The following PTPRD variants were observed in gnomAD, a reference collection of about 807,000 sequenced individuals.
The protein encoded by PTPRD is receptor-type tyrosine-protein phosphatase delta.
Under a neutral mutation model 214.5 loss-of-function variants are expected in PTPRD, and 34 were observed. That is an observed-to-expected ratio of 0.16 (90% CI 0.12 to 0.21). PTPRD has a LOEUF of 0.21. PTPRD is among the 10% of genes least tolerant of loss of function. PTPRD has a pLI of 1.00. For synonymous variants in PTPRD, 1,128 were observed against 845.7 expected, an observed-to-expected ratio of 1.33 and a Z score of -5.79; for missense variants, 2,545 against 2,398.7, an observed-to-expected ratio of 1.06 and a Z score of -1.27.
chr9:8,921,455 G>A (rs2098827277), intron 11 of PTPRD, among the ~76,000 whole-genome samples: 1 of 151,980 alleles, frequency 6.6e-6, no homozygotes, highest in Non-Finnish European at 1.5e-5. Context: ...GCATGAGGAT[G>A]TGGGGCTTAT....
chr9:10,081,588 A>C (rs927715203), intron 3 of PTPRD, among the ~76,000 whole-genome samples: 1 of 152,066 alleles, frequency 6.6e-6, no homozygotes, highest in Non-Finnish European at 1.5e-5. Context: ...CAACCTGACC[A>C]TGCTAGGGCC....
At chr9:10,547,154 G>T (rs181090790) in intron 2 of PTPRD, among the ~76,000 whole-genome samples, 2 of 152,004 alleles carry the variant, frequency 1.3e-5, no homozygotes, top group Admixed American at 6.6e-5. Context: ...GAAGAATTGG[G>T]GCAGGGTGGG....
intron 27 of PTPRD, among the ~76,000 whole-genome samples, chr9:8,489,455 T>A (rs971054520): frequency 1.3e-5 from 2 of 152,156 alleles, no homozygotes; most frequent in African/African-American, 4.8e-5. Context: ...GAAGTTTTAC[T>A]AAGCCTGAAA....
intron 3 of PTPRD, among the ~76,000 whole-genome samples, chr9:10,316,634 A>C (rs2096440863): frequency 6.6e-6 from 1 of 152,020 alleles, no homozygotes; most frequent in African/African-American, 2.4e-5. Flanking sequence ...GTGAATCAAC[A>C]CAATTCTCAA....
intron 4 of PTPRD, among the ~76,000 whole-genome samples, chr9:10,012,312 G>T (rs2096618077): frequency 6.6e-6 from 1 of 151,574 alleles, no homozygotes; most frequent in Non-Finnish European, 1.5e-5. Context: ...GTCGGTGGAA[G>T]ATTCAGACAA....
chr9:8,319,285 C>G (rs1223636876), intron 45 of PTPRD, among the ~76,000 whole-genome samples: 1 of 151,976 alleles, frequency 6.6e-6, no homozygotes, highest in Non-Finnish European at 1.5e-5. Context: ...ATCATAAACT[C>G]TTATTATTAC....
At chr9:8,827,155 T>TA (rs140682298) in intron 11 of PTPRD, among the ~76,000 whole-genome samples, 14,267 of 152,124 alleles carry the variant, frequency 0.094, 708 homozygotes, top group Non-Finnish European at 0.098. Context: ...ACTAAATTGC[T>TA]AAAAAATCTG....
intron 9 of PTPRD, among the ~76,000 whole-genome samples, chr9:9,388,530 C>G (rs562504776): frequency 7.2e-5 from 11 of 151,994 alleles, no homozygotes; most frequent in Non-Finnish European, 1.3e-4. Context: ...GTATGGTTAC[C>G]TTAGTTTTAA....
chr9:9,701,651 G>C (rs763189745), intron 7 of PTPRD, among the ~76,000 whole-genome samples: 1 of 152,178 alleles, frequency 6.6e-6, no homozygotes, highest in Non-Finnish European at 1.5e-5. Flanking sequence ...GAGGAAAATA[G>C]ACAGTACTTA....
chr9:8,585,457 G>C (rs1455731942), intron 14 of PTPRD, among the ~76,000 whole-genome samples: 1 of 152,166 alleles, frequency 6.6e-6, no homozygotes, highest in Admixed American at 6.5e-5. Context: ...GGACTGGAAA[G>C]TCTGGGATAT....
At chr9:8,683,513 C>T (rs2097595541) in intron 12 of PTPRD, among the ~76,000 whole-genome samples, 1 of 152,138 alleles carries the variant, frequency 6.6e-6, no homozygotes, top group South Asian at 2.1e-4. Context: ...TCAGCTCCAA[C>T]CTGACTCTCA....
At chr9:9,161,209 A>T (rs2099887873) in intron 10 of PTPRD, among the ~76,000 whole-genome samples, 1 of 152,196 alleles carries the variant, frequency 6.6e-6, no homozygotes, top group African/African-American at 2.4e-5. Flanking sequence ...ACCACAAAGA[A>T]TGATAAGTGG....
chr9:8,334,054 C>G (rs1844182602), intron 43 of PTPRD, among the ~76,000 whole-genome samples: 1 of 152,074 alleles, frequency 6.6e-6, no homozygotes. Context: ...TCTTAGATAC[C>G]TACAAAGAGA....
chr9:9,933,200 A>G (rs1344630019), intron 5 of PTPRD, among the ~76,000 whole-genome samples: 2 of 152,266 alleles, frequency 1.3e-5, no homozygotes, highest in Non-Finnish European at 2.9e-5. Flanking sequence ...TAACATCATA[A>G]TGACAGGATC....
intron 10 of PTPRD, among the ~76,000 whole-genome samples, chr9:9,181,590 C>A (rs1001735435): frequency 2.6e-5 from 4 of 151,928 alleles, no homozygotes; most frequent in African/African-American, 9.7e-5. Context: ...TTCACTACAG[C>A]CACCAGAAAT....
intron 3 of PTPRD, among the ~76,000 whole-genome samples, chr9:10,091,072 C>T (rs1304034933): frequency 1.3e-5 from 2 of 150,654 alleles, no homozygotes; most frequent in African/African-American, 2.4e-5. Flanking sequence ...ATATGTAAAA[C>T]AAATAATGGC....
At chr9:9,923,967 A>T (rs2083412748) in intron 5 of PTPRD, among the ~76,000 whole-genome samples, 1 of 152,054 alleles carries the variant, frequency 6.6e-6, no homozygotes, top group African/African-American at 2.4e-5. Flanking sequence ...ATCTAAACAT[A>T]TGAAGGATGG....
intron 3 of PTPRD, among the ~76,000 whole-genome samples, chr9:10,081,305 G>C (rs1027890809): frequency 2.6e-5 from 4 of 152,042 alleles, no homozygotes; most frequent in South Asian, 2.1e-4. Context: ...TGAAGACTTT[G>C]TTTTAAAGAT....
chr9:8,722,382 T>A (rs1473853929), intron 12 of PTPRD, among the ~76,000 whole-genome samples: 1 of 152,194 alleles, frequency 6.6e-6, no homozygotes, highest in Non-Finnish European at 1.5e-5. Flanking sequence ...TAACACCATG[T>A]ACTATTTTAG....
Sources: allele counts gnomAD v4.1 joint callset (sites outside exome capture counted in the v4.1 genomes callset), GRCh38; gene constraint gnomAD v4.1.1; transcripts MANE v1.5; gene names NCBI Gene and HGNC (gene_info 2026-07-23, HGNC 2026-07-21).